Variants in GRIN2B observed in about 807,000 individuals in gnomAD.
The protein encoded by GRIN2B is glutamate ionotropic receptor NMDA type subunit 2B.
GRIN2B carries 5 observed loss-of-function variants against 114.5 expected under a neutral mutation model. The ratio of observed to expected loss-of-function variants is 0.04; its 90% confidence interval spans 0.02 to 0.09. The LOEUF is 0.09. GRIN2B is among the 10% of genes least tolerant of loss of function. GRIN2B has a pLI of 1.00. For synonymous variants in GRIN2B, 787 were observed against 745.1 expected (o/e 1.06, Z -0.92); for missense variants, 1,108 against 1,943.5 (o/e 0.57, Z 8.08).
chr12:13,863,668 T>A (rs1245407327), intron 3 of GRIN2B, among the ~76,000 whole-genome samples: 1 of 152,108 alleles, frequency 6.6e-6, no homozygotes, highest in East Asian at 1.9e-4. Context: ...CTAAGATACA[T>A]CAGCGAAAAA....
chr12:13,753,592 G>T lies in GRIN2B; in HGVS notation c.735C>A (p.Asn245Lys). ...AGCCATAGCCAGTCAGCCCTACTGAGTTGGCCACTTCAAAGATGTAGGTGG... is the reference window on the plus strand; with the variant it reads ...AGCCATAGCCAGTCAGCCCTACTGATTTGGCCACTTCAAAGATGTAGGTGG... ...EEATYIFEVA[N>K]SVGLTGYGYT... Residue 245 changes from asparagine to lysine, a missense_variant, in exon 4 of 14, where the codon AAC (asparagine) becomes AAA (lysine). By Grantham distance (94) the Asn-to-Lys change is moderately conservative. Transcript: ENST00000609686. This position sits in a 1 kb window ranked among gnomAD's most constrained non-coding sequence, Gnocchi z 6.2. The T allele has an allele frequency of 1.2e-6, 2 of 1,614,186 alleles. No homozygotes were observed. The highest frequency in any genetic ancestry group is 1.7e-6 in the Non-Finnish European group (2 of 1,180,018).
chr12:13,920,759 T>C (rs1371989343), intron 2 of GRIN2B, among the ~76,000 whole-genome samples: 1 of 152,206 alleles, frequency 6.6e-6, no homozygotes, highest in Non-Finnish European at 1.5e-5. Flanking sequence ...ATCACCCACT[T>C]GCCTCACTGT....
intron 4 of GRIN2B, among the ~76,000 whole-genome samples, chr12:13,681,503 T>G (rs919215047): frequency 2.0e-5 from 3 of 152,050 alleles, no homozygotes; most frequent in African/African-American, 7.3e-5. Context: ...CCCTCTTTTT[T>G]TGCAATTTTC....
intron 10 of GRIN2B, among the ~76,000 whole-genome samples, chr12:13,598,331 C>T (rs1949103442): frequency 6.6e-6 from 1 of 152,174 alleles, no homozygotes; most frequent in Non-Finnish European, 1.5e-5. Context: ...CCTTGAAAAA[C>T]ACCTCCCTCG....
chr12:13,781,630 T>C (rs1864115599), intron 3 of GRIN2B, among the ~76,000 whole-genome samples: 2 of 152,192 alleles, frequency 1.3e-5, no homozygotes, highest in Non-Finnish European at 2.9e-5. Flanking sequence ...CTGAGATGTA[T>C]AATGCACCCA....
intron 3 of GRIN2B, among the ~76,000 whole-genome samples, chr12:13,860,532 C>T (rs961975272): frequency 1.3e-5 from 2 of 152,068 alleles, no homozygotes; most frequent in Non-Finnish European, 2.9e-5. Context: ...ACCATGTTGG[C>T]CAGAATGGTC....
intron 3 of GRIN2B, among the ~76,000 whole-genome samples, chr12:13,805,974 TAC>T (rs1328007780): frequency 6.6e-6 from 1 of 152,216 alleles, no homozygotes; most frequent in African/African-American, 2.4e-5. Flanking sequence ...AGTGAGATCA[TAC>T]AGTGTTTGTC....
chr12:13,563,590 G>A lies in GRIN2B; in HGVS notation c.3648C>T (p.Arg1216=), dbSNP rs201405157. ...AGTTGTGCAGCTTGGAGGGACAGCT[G>A]CGGCAGAAGTTGCCCCCGGACCGGT... ...WEDRSGGNFC[R]SCPSKLHNYS... The change falls in exon 14 of 14, where the codon CGC becomes CGT. Residue 1216 remains arginine, a synonymous_variant. Transcript: ENST00000609686. The A allele has an allele frequency of 4.2e-5, 67 of 1,614,094 alleles. No homozygotes were observed. In the African/African-American group the frequency reaches 6.7e-4, roughly 16 times the overall value.
chr12:13,885,949 A>C (rs1343125716), intron 2 of GRIN2B, among the ~76,000 whole-genome samples: 2 of 152,190 alleles, frequency 1.3e-5, no homozygotes, highest in African/African-American at 2.4e-5. Context: ...AGGCCAGGTG[A>C]TGTGGAACAC....
At chr12:13,904,621 A>C (rs1313513079) in intron 2 of GRIN2B, among the ~76,000 whole-genome samples, 1 of 152,098 alleles carries the variant, frequency 6.6e-6, no homozygotes, top group Non-Finnish European at 1.5e-5. Flanking sequence ...TGTTCATTAG[A>C]ATATCGTTTA....
intron 4 of GRIN2B, among the ~76,000 whole-genome samples, chr12:13,736,391 A>G (rs1318193525): frequency 3.3e-5 from 5 of 152,284 alleles, no homozygotes; most frequent in East Asian, 3.9e-4. Context: ...AACAATGACA[A>G]CCAAGGAAAG....
chr12:13,946,040 A>G (rs219917), intron 2 of GRIN2B, among the ~76,000 whole-genome samples: 89,873 of 151,896 alleles, frequency 0.59, 27,521 homozygotes, highest in East Asian at 0.95. Flanking sequence ...CCCCATGGAG[A>G]GATAATGAGT....
Position 13,980,171 on chromosome 12 carries a change from A to G in GRIN2B, c.-262T>C, listed in dbSNP as rs959100671. ...TTCAGGGTATGGAGAGCAGCTCACA[A>G]TGCAGAATCCAGAGTAATTATTCCG... On this transcript the variant is annotated 5_prime_UTR_variant, in exon 2 of 14. Coordinates refer to ENST00000609686, the MANE Select transcript of GRIN2B (RefSeq NM_000834.5). 1 of 152,222 alleles carries G rather than the reference A, an allele frequency of 6.6e-6. No individual in the cohort carries two copies. Among genetic ancestry groups the G allele is most frequent in the Non-Finnish European group, 1.5e-5 (1 of 68,044 alleles). The allele number at this position is 152,222 out of a possible 1,614,324, so 9.4% of individuals were successfully genotyped here.
intron 10 of GRIN2B, among the ~76,000 whole-genome samples, chr12:13,599,432 T>G (rs977502576): frequency 6.6e-6 from 1 of 152,176 alleles, no homozygotes; most frequent in Admixed American, 6.5e-5. Flanking sequence ...AATTCTGACA[T>G]CTTTAAAACC....
At chr12:13,824,855 CAAAAAAAAAAA>C (rs34417194) in intron 3 of GRIN2B, among the ~76,000 whole-genome samples, 1 of 95,112 alleles carries the variant, frequency 1.1e-5, no homozygotes, top group Non-Finnish European at 1.9e-5. Flanking sequence ...GACTCCATTT[CAAAAAAAAAAA>C]AAAAAAAAAA....
In GRIN2B at chr12:13,575,670, C is replaced by CAATAATAATAAT. The variant is rs574433534; in HGVS notation, c.2011-3707_2011-3706insATTATTATTATT. 6.5e-3 allele frequency among the ~76,000 whole-genome samples: 848 copies of CAATAATAATAAT among 129,828 alleles called. 10 individuals are homozygous for CAATAATAATAAT. Among genetic ancestry groups the CAATAATAATAAT allele is most frequent in the East Asian group, 0.045 (220 of 4,866 alleles). The allele number at this position is 129,828 out of a possible 152,430, so 85.2% of individuals were successfully genotyped here. ...CAAGACCCTGTCTCCAAAATGATAA[C>CAATAATAATAAT]AACAATAATAATAATAATAATAATA... On this transcript the variant is annotated intron_variant, in intron 10 of 13. Transcript: ENST00000609686.
At position 13,907,398 on chromosome 12, in the gene GRIN2B, G is replaced by A. The variant is rs371293979; in HGVS notation, c.-18-41172C>T. Among the ~76,000 whole-genome samples, 15 of 151,798 alleles carry A rather than the reference G, an allele frequency of 9.9e-5. No individual in the cohort carries two copies. In the South Asian group the frequency reaches 1.7e-3, roughly 17 times the overall value. On this transcript the variant is annotated intron_variant, in intron 2 of 13. Transcript: ENST00000609686. ...CCAGCTACTCTGGAGGCTGAGACAC[G>A]AGAATTGCTTGAGACCGTGAGGCAG...
chr12:13,586,148 T>C (rs998820287), intron 10 of GRIN2B, among the ~76,000 whole-genome samples: 2 of 152,348 alleles, frequency 1.3e-5, no homozygotes, highest in Non-Finnish European at 2.9e-5. Flanking sequence ...CATTCTAAAC[T>C]ATAGTCATTC....
intron 2 of GRIN2B, among the ~76,000 whole-genome samples, chr12:13,963,721 C>A (rs1867739441): frequency 6.6e-6 from 1 of 152,182 alleles, no homozygotes; most frequent in Non-Finnish European, 1.5e-5. Flanking sequence ...TTTTGACTCC[C>A]ATGGGCTGCC....
Sources: gnomAD v4.1 joint callset for allele counts (sites outside exome capture counted in the v4.1 genomes callset) on GRCh38, gnomAD v4.1.1 for gene constraint, Gnocchi (gnomAD v3.1) non-coding constraint, MANE v1.5 for transcripts, NCBI Gene and HGNC (gene_info 2026-07-23, HGNC 2026-07-21) for gene names.